TULP4: variants seen among roughly 807,000 people sequenced by gnomAD.
The protein encoded by TULP4 is TUB like protein 4.
A neutral mutation model predicts 129.0 loss-of-function variants in TULP4; 16 were observed. The observed-to-expected ratio is 0.12, with a 90% CI of 0.08 to 0.19. TULP4 has a LOEUF of 0.19. Ranked by LOEUF, TULP4 falls within the 10% of genes least tolerant of loss-of-function variation. The probability of loss-of-function intolerance (pLI) is 1.00; values close to 1 mark genes in which losing one functional copy is unlikely to be tolerated. For synonymous variants in TULP4, 998 were observed against 854.0 expected, an observed-to-expected ratio of 1.17 and a Z score of -2.94; for missense variants, 1,842 against 2,059.1, an observed-to-expected ratio of 0.89 and a Z score of 2.04.
intron 1 of TULP4, among the ~76,000 whole-genome samples, chr6:158,293,865 G>A (rs1778984795): frequency 6.6e-6 from 1 of 152,218 alleles, no homozygotes; most frequent in Admixed American, 6.5e-5. Context: ...TCTTCTGGAT[G>A]TATGTGTTTC....
intron 1 of TULP4, chr6:158,238,028 G>GA: frequency 4.3e-6 from 3 of 700,600 alleles, no homozygotes; most frequent in Non-Finnish European, 8.0e-6. Flanking sequence ...TGATGGTTTT[G>GA]ATACCACCAG....
At chr6:158,251,873 T>C (rs9355605) in intron 1 of TULP4, among the ~76,000 whole-genome samples, 49,988 of 152,074 alleles carry the variant, frequency 0.33, 9,208 homozygotes, top group Admixed American at 0.45. Context: ...CTAAGCTTGA[T>C]ATACTGAGCT....
intron 3 of TULP4, among the ~76,000 whole-genome samples, chr6:158,437,619 A>G (rs763519577): frequency 1.3e-5 from 2 of 152,220 alleles, no homozygotes; most frequent in Non-Finnish European, 2.9e-5. Flanking sequence ...TTTCAGAGAT[A>G]TTAAGGGATG....
intron 3 of TULP4, among the ~76,000 whole-genome samples, chr6:158,446,996 G>A (rs1228419121): frequency 2.0e-5 from 3 of 152,110 alleles, no homozygotes; most frequent in South Asian, 2.1e-4. Flanking sequence ...TAAACATTCA[G>A]TCCATAATAG....
In TULP4 at chr6:158,493,631, C is replaced by T. The variant is rs771607306; in HGVS notation, c.1690C>T (p.Arg564Trp). ...GCCCCGGGCTGCTCAGGAGCTCTCC[C>T]GGTCCCCACGGTTGCCCCTGCGCAA... ...KLPRAAQELS[R>W]SPRLPLRKPS... The change falls in exon 10 of 14, where the codon CGG becomes TGG. Residue 564 changes from arginine to tryptophan, a missense_variant. Arg to Trp is a moderately radical substitution (Grantham distance 101, BLOSUM62 -3). Transcript: ENST00000367097. The surrounding 1 kb of genome is among the most constrained non-coding windows in gnomAD (Gnocchi z 4.4). 2.1e-5 allele frequency: 33 copies of T among 1,599,188 alleles called. No individual in the cohort carries two copies. The South Asian group carries it at 2.8e-4, about 14-fold the overall frequency.
At chr6:158,240,802 C>T (rs921906073) in intron 1 of TULP4, among the ~76,000 whole-genome samples, 6 of 148,464 alleles carry the variant, frequency 4.0e-5, no homozygotes, top group African/African-American at 7.3e-5. Flanking sequence ...GGGGCTGAAC[C>T]CCCCACCTCC....
At chr6:158,495,052 T>A (rs769282884) in intron 11 of TULP4, among the ~76,000 whole-genome samples, 1 of 152,210 alleles carries the variant, frequency 6.6e-6, no homozygotes, top group Non-Finnish European at 1.5e-5. Context: ...AGTGGCATTT[T>A]TTTTTTTTAA....
chr6:158,467,896 C>A (rs575524970), intron 6 of TULP4, among the ~76,000 whole-genome samples: 1 of 152,284 alleles, frequency 6.6e-6, no homozygotes, highest in East Asian at 1.9e-4. Context: ...AATCAGTGAG[C>A]CTTAACATTG....
At chr6:158,241,090 G>C (rs1195656578) in intron 1 of TULP4, among the ~76,000 whole-genome samples, 1 of 132,836 alleles carries the variant, frequency 7.5e-6, no homozygotes, top group African/African-American at 2.7e-5. Flanking sequence ...GGGCAGAGGC[G>C]CTCCTCACGT....
chr6:158,243,847 G>GGT (rs57298904), intron 1 of TULP4, among the ~76,000 whole-genome samples: 35,590 of 143,312 alleles, frequency 0.25, 4,451 homozygotes, highest in Non-Finnish European at 0.3. Flanking sequence ...AGCTGAAATA[G>GGT]GTGTGTGTGT....
chr6:158,256,479 C>T (rs1425612545), intron 1 of TULP4, among the ~76,000 whole-genome samples: 1 of 151,972 alleles, frequency 6.6e-6, no homozygotes, highest in African/African-American at 2.4e-5. Context: ...AAGTTGCAGC[C>T]GAGAAACCAA....
intron 3 of TULP4, among the ~76,000 whole-genome samples, chr6:158,446,943 C>T (rs893839621): frequency 2.0e-5 from 3 of 152,182 alleles, no homozygotes; most frequent in Non-Finnish European, 2.9e-5. Context: ...AAAGACCTTA[C>T]CTCCAAATAC....
chr6:158,239,582 A>G (rs866445727), intron 1 of TULP4, among the ~76,000 whole-genome samples: 6 of 32,162 alleles, frequency 1.9e-4, no homozygotes, highest in Admixed American at 3.2e-4. Flanking sequence ...CTGGCCGGGC[A>G]GGGGGGCTGA....
chr6:158,256,641 A>G (rs117755420), intron 1 of TULP4, among the ~76,000 whole-genome samples: 1,785 of 152,334 alleles, frequency 0.012, 19 homozygotes, highest in Middle Eastern at 0.02. Context: ...TCTTATACAT[A>G]TGGATATATT....
At chr6:158,309,445 G>A (rs1326352055), upstream of TULP4, among the ~76,000 whole-genome samples, 1 of 141,490 alleles carries the variant, frequency 7.1e-6, no homozygotes, top group African/African-American at 2.7e-5. Flanking sequence ...CGTCCCAGAC[G>A]ATGGGCGGCC....
At chr6:158,416,745 CCACT>C (rs906733478) in intron 2 of TULP4, among the ~76,000 whole-genome samples, 2 of 152,190 alleles carry the variant, frequency 1.3e-5, no homozygotes, top group Admixed American at 1.3e-4. Context: ...CAGTCACTCT[CCACT>C]CACTCTCTGG....
At chr6:158,357,461 A>G (rs998532184) in intron 1 of TULP4, among the ~76,000 whole-genome samples, 1 of 152,220 alleles carries the variant, frequency 6.6e-6, no homozygotes, top group Non-Finnish European at 1.5e-5. Context: ...CCCAGGAGTC[A>G]GTATTGGCTT....
intron 1 of TULP4, among the ~76,000 whole-genome samples, chr6:158,299,303 C>G (rs998884454): frequency 6.6e-6 from 1 of 152,130 alleles, no homozygotes; most frequent in Non-Finnish European, 1.5e-5. Context: ...TTAAATAGCC[C>G]TTTGGTGCCC....
intron 1 of TULP4, among the ~76,000 whole-genome samples, chr6:158,324,837 G>T (rs1422443866): frequency 1.3e-5 from 2 of 152,288 alleles, no homozygotes; most frequent in South Asian, 4.1e-4. Flanking sequence ...ATTTGTGTCT[G>T]TGTGTTTTTC....
Sources: gnomAD v4.1 joint callset for allele counts (sites outside exome capture counted in the v4.1 genomes callset) on GRCh38, gnomAD v4.1.1 for gene constraint, Gnocchi (gnomAD v3.1) non-coding constraint, MANE v1.5 for transcripts, NCBI Gene and HGNC (gene_info 2026-07-23, HGNC 2026-07-21) for gene names.